The following SPIDR variants were observed in gnomAD, a reference collection of about 807,000 sequenced individuals.
SPIDR encodes scaffold protein involved in DNA repair.
SPIDR carries 93 observed loss-of-function variants against 104.6 expected under a neutral mutation model. The ratio of observed to expected loss-of-function variants is 0.89; its 90% CI spans 0.75 to 1.06. The LOEUF (loss-of-function observed/expected upper bound fraction) is 1.06, where lower values mean the gene tolerates loss of function less well. SPIDR is among the 50% of genes least tolerant of loss of function. The pLI, the probability that SPIDR is intolerant of heterozygous loss-of-function variation, is 0.00. For missense variants in SPIDR, 1,154 were observed against 1,111.2 expected (o/e 1.04, Z -0.55); for synonymous variants, 431 against 416.9 (o/e 1.03, Z -0.41).
intron 7 of SPIDR, among the ~76,000 whole-genome samples, chr8:47,421,537 T>C (rs553261327): frequency 1.7e-4 from 26 of 152,288 alleles, no homozygotes; most frequent in African/African-American, 6.3e-4. Context: ...GTTTTTAACT[T>C]CTTTGCCATG....
At chr8:47,581,952 C>T (rs1278352120) in intron 8 of SPIDR, among the ~76,000 whole-genome samples, 3 of 152,192 alleles carry the variant, frequency 2.0e-5, no homozygotes, top group Non-Finnish European at 4.4e-5. Flanking sequence ...CATGGTGGCT[C>T]ACTCCTGTAA....
chr8:47,290,937 A>T, intron 3 of SPIDR, 96 bp from the exon 4 acceptor site: 4 of 839,878 alleles, frequency 4.8e-6, no homozygotes, highest in Non-Finnish European at 5.6e-6. Flanking sequence ...AGTTTTGTGT[A>T]TTTGTGACTT....
chr8:47,579,905 T>C (rs2059538259), intron 8 of SPIDR, among the ~76,000 whole-genome samples: 1 of 152,244 alleles, frequency 6.6e-6, no homozygotes, highest in Non-Finnish European at 1.5e-5. Context: ...TCCTGGGAGA[T>C]GGTCTGGTAT....
intron 8 of SPIDR, among the ~76,000 whole-genome samples, chr8:47,503,116 G>T (rs1391965078): frequency 6.6e-6 from 1 of 152,204 alleles, no homozygotes; most frequent in Admixed American, 6.5e-5. Flanking sequence ...ATATTCTGTT[G>T]ATTTTGGGTG....
intron 17 of SPIDR, among the ~76,000 whole-genome samples, chr8:47,727,760 C>T (rs978082147): frequency 6.6e-6 from 1 of 152,200 alleles, no homozygotes; most frequent in Non-Finnish European, 1.5e-5. Context: ...GAAGTCAGTC[C>T]TCCGGCCTCC....
intron 10 of SPIDR, among the ~76,000 whole-genome samples, chr8:47,653,074 G>T (rs1197225985): frequency 6.6e-6 from 1 of 152,136 alleles, no homozygotes; most frequent in African/African-American, 2.4e-5. Context: ...GTCCATGACT[G>T]ATGCCACTCA....
chr8:47,492,590 C>T (rs976489275), intron 8 of SPIDR, among the ~76,000 whole-genome samples: 1 of 152,198 alleles, frequency 6.6e-6, no homozygotes, highest in African/African-American at 2.4e-5. Context: ...CCTTTTACCT[C>T]TTCTCTGAAT....
intron 5 of SPIDR, among the ~76,000 whole-genome samples, chr8:47,374,139 A>G (rs898647703): frequency 5.9e-5 from 9 of 152,362 alleles, no homozygotes; most frequent in South Asian, 2.1e-4. Flanking sequence ...GAGAAAGTCT[A>G]TCAAAAGGGA....
At chr8:47,635,740 A>C (rs932852996) in intron 10 of SPIDR, among the ~76,000 whole-genome samples, 1 of 152,152 alleles carries the variant, frequency 6.6e-6, no homozygotes. Flanking sequence ...AAAAAAAATT[A>C]AAAAAGAACA....
chr8:47,619,845 T>C (rs1345364297), intron 10 of SPIDR, among the ~76,000 whole-genome samples: 2 of 152,104 alleles, frequency 1.3e-5, no homozygotes. Flanking sequence ...TACAAAATAA[T>C]TTTAGCCACC....
At chr8:47,420,899 G>A (rs143651800) in intron 7 of SPIDR, among the ~76,000 whole-genome samples, 1 of 152,172 alleles carries the variant, frequency 6.6e-6, no homozygotes, top group Non-Finnish European at 1.5e-5. Context: ...GAAATTCTGG[G>A]TTGAAAATTA....
chr8:47,330,858 G>C (rs1367869976), intron 5 of SPIDR: 1 of 455,624 alleles, frequency 2.2e-6, no homozygotes, highest in African/African-American at 2.0e-5. Flanking sequence ...CAACTCCTTT[G>C]AGTAGATACC....
intron 5 of SPIDR, among the ~76,000 whole-genome samples, chr8:47,334,066 A>G (rs1000595550): frequency 1.3e-5 from 2 of 152,162 alleles, no homozygotes; most frequent in Non-Finnish European, 2.9e-5. Flanking sequence ...TATTTTGTTT[A>G]GTTTTCACAT....
intron 8 of SPIDR, among the ~76,000 whole-genome samples, chr8:47,489,161 A>G (rs1222062370): frequency 1.3e-5 from 2 of 152,260 alleles, no homozygotes; most frequent in Non-Finnish European, 2.9e-5. Context: ...AAGTCTCAAG[A>G]TACAAAATCA....
In SPIDR at chr8:47,670,823, G is replaced by A. The variant is rs146137367; in HGVS notation, c.1545-2978G>A. 8.2e-3 allele frequency among the ~76,000 whole-genome samples: 1,241 copies of A among 152,234 alleles called. 10 individuals carry two copies. The highest frequency in any genetic ancestry group is 0.017 in the Middle Eastern group (5 of 294). ...TTCTGTCCTGTGTTTATTTTGGGTT[G>A]TTTGTATTTTTGCTCATTAGTCCTT... is the stretch of plus-strand genomic sequence containing the variant. On this transcript the variant is annotated intron_variant, in intron 10 of 19. Transcript: ENST00000297423.
At chr8:47,310,223 A>G (rs928646263) in intron 5 of SPIDR, among the ~76,000 whole-genome samples, 8 of 150,582 alleles carry the variant, frequency 5.3e-5, no homozygotes, top group African/African-American at 2.5e-5. Flanking sequence ...AGTCCCAGCT[A>G]CTCGGGAGGC....
At chr8:47,524,982 G>A (rs2084753942) in intron 8 of SPIDR, among the ~76,000 whole-genome samples, 2 of 152,154 alleles carry the variant, frequency 1.3e-5, no homozygotes, top group Non-Finnish European at 2.9e-5. Flanking sequence ...CATGAAAGGT[G>A]TAAAGGCCAC....
intron 8 of SPIDR, among the ~76,000 whole-genome samples, chr8:47,521,008 T>C (rs1194436313): frequency 6.6e-6 from 1 of 152,170 alleles, no homozygotes; most frequent in Non-Finnish European, 1.5e-5. Context: ...CTCTGAAGAA[T>C]AGTAAAAAGA....
At chr8:47,678,282 A>G (rs977510782) in intron 11 of SPIDR, among the ~76,000 whole-genome samples, 9 of 152,236 alleles carry the variant, frequency 5.9e-5, no homozygotes, top group Non-Finnish European at 1.2e-4. Context: ...TGAGTGAAGA[A>G]GAGAAGAGGT....
Sources: gnomAD v4.1 joint callset for allele counts (sites outside exome capture counted in the v4.1 genomes callset) on GRCh38, gnomAD v4.1.1 for gene constraint, MANE v1.5 for transcripts, NCBI Gene and HGNC (gene_info 2026-07-23, HGNC 2026-07-21) for gene names.